PDE8B: variants seen among roughly 807,000 people sequenced by gnomAD.
PDE8B encodes the protein phosphodiesterase 8B.
PDE8B carries 26 observed loss-of-function variants against 101.3 expected under a neutral mutation model. The ratio of observed to expected loss-of-function variants is 0.26; its 90% confidence interval spans 0.19 to 0.36. The LOEUF (loss-of-function observed/expected upper bound fraction) is 0.36. PDE8B is among the 10% of genes least tolerant of loss of function. PDE8B has a pLI of 1.00. For missense variants in PDE8B, 810 were observed against 1,163.1 expected, an observed-to-expected ratio of 0.70 and a Z score of 4.42; for synonymous variants, 424 against 429.3, an observed-to-expected ratio of 0.99 and a Z score of 0.15.
At chr5:77,106,712 G>A in the PDE8B span, among the ~76,000 whole-genome samples, 1 of 151,936 alleles carries the variant, frequency 6.6e-6, no homozygotes, top group Non-Finnish European at 1.5e-5. Flanking sequence ...TAACAATACT[G>A]AATCTTCAGA....
the PDE8B span, among the ~76,000 whole-genome samples, chr5:77,163,635 C>T: frequency 1.3e-5 from 2 of 152,214 alleles, no homozygotes; most frequent in Admixed American, 6.5e-5. Context: ...TTCCCCAGTT[C>T]TTTGGGTCTG....
chr5:77,331,063 T>G (rs1048442103), intron 4 of PDE8B, among the ~76,000 whole-genome samples: 1 of 152,206 alleles, frequency 6.6e-6, no homozygotes, highest in African/African-American at 2.4e-5. Context: ...TGTCTCCGAA[T>G]GAACAGTGCA....
At chr5:77,216,402 T>C (rs1022672916) in intron 1 of PDE8B, among the ~76,000 whole-genome samples, 1 of 152,140 alleles carries the variant, frequency 6.6e-6, no homozygotes, top group Non-Finnish European at 1.5e-5. Flanking sequence ...ATGTCTTACA[T>C]GGTGGCAGAC....
chr5:77,211,334 G>T lies in PDE8B; in HGVS notation c.339+70G>T. The T allele has an allele frequency of 7.0e-7, 1 of 1,431,902 alleles. No individual in the cohort carries two copies. Among genetic ancestry groups the T allele is most frequent in the Non-Finnish European group, 9.3e-7 (1 of 1,072,174 alleles). 88.7% of individuals were successfully genotyped at this position (1,431,902 alleles called of 1,614,324 possible). ...GTCGGCGGGGCTCGCACGGGTAGGG[G>T]GCTCCGGCGGAGTTGGGTGACCGTG... On this transcript the variant is annotated intron_variant, in intron 1 of 21. Transcript: ENST00000264917. This position sits in a 1 kb window ranked among gnomAD's most constrained non-coding sequence, Gnocchi z 4.1.
Position 77,319,293 on chromosome 5 carries a change from C to G in PDE8B, c.400-6246C>G, listed in dbSNP as rs572205886. On this transcript the variant is annotated intron_variant, in intron 2 of 21. Coordinates refer to ENST00000264917, the MANE Select transcript of PDE8B (RefSeq NM_003719.5). ...AGTCCACAAATCACTATGTAAATAA[C>G]AAATGTGCAGCATCATCAGTAACTT... is the stretch of plus-strand genomic sequence containing the variant. Among the ~76,000 whole-genome samples, 5 of 152,340 alleles carry G rather than the reference C, an allele frequency of 3.3e-5. No individual in the cohort carries two copies. The South Asian group carries it at 1.0e-3, about 32-fold the overall frequency.
upstream of PDE8B, among the ~76,000 whole-genome samples, chr5:77,209,237 C>T (rs1254270720): frequency 1.3e-5 from 2 of 152,080 alleles, no homozygotes; most frequent in Admixed American, 1.3e-4. Flanking sequence ...TAAGGTTAGA[C>T]TCTCCCTGTA....
At chr5:77,347,784 A>C (rs1780401863) in intron 7 of PDE8B, among the ~76,000 whole-genome samples, 1 of 152,244 alleles carries the variant, frequency 6.6e-6, no homozygotes. Context: ...TTGGAGAGGG[A>C]AAGAGACAGG....
At chr5:77,412,610 G>A (rs921074922) in intron 16 of PDE8B, among the ~76,000 whole-genome samples, 1 of 151,610 alleles carries the variant, frequency 6.6e-6, no homozygotes, top group Non-Finnish European at 1.5e-5. Flanking sequence ...ATAACTGAAA[G>A]GTCTTTTTCT....
intron 2 of PDE8B, among the ~76,000 whole-genome samples, chr5:77,318,885 G>A (rs1173648468): frequency 6.6e-6 from 1 of 152,132 alleles, no homozygotes; most frequent in Admixed American, 6.5e-5. Flanking sequence ...TCCATTTGAA[G>A]ACACATAGAT....
chr5:77,335,686 C>G (rs754603025), intron 5 of PDE8B, among the ~76,000 whole-genome samples: 2 of 152,098 alleles, frequency 1.3e-5, no homozygotes, highest in Non-Finnish European at 2.9e-5. Flanking sequence ...ACTTATATAG[C>G]TACCGGAGAA....
chr5:77,408,605 G>C (rs1438826493), intron 13 of PDE8B, among the ~76,000 whole-genome samples: 1 of 152,090 alleles, frequency 6.6e-6, no homozygotes, highest in Non-Finnish European at 1.5e-5. Flanking sequence ...GAGTGAGAGA[G>C]GGGCCCAGAA....
the PDE8B span, among the ~76,000 whole-genome samples, chr5:77,128,004 T>C: frequency 6.6e-6 from 1 of 152,208 alleles, no homozygotes; most frequent in Admixed American, 6.5e-5. Context: ...TTTTAACCAT[T>C]GCTCTATTTC....
intron 1 of PDE8B, among the ~76,000 whole-genome samples, chr5:77,213,499 C>A (rs1285352281): frequency 6.6e-6 from 1 of 152,226 alleles, no homozygotes; most frequent in Non-Finnish European, 1.5e-5. Context: ...GTAAAGTTCA[C>A]ATGTTCTGTG....
At chr5:77,278,563 G>A (rs899029192) in intron 1 of PDE8B, among the ~76,000 whole-genome samples, 51 of 152,078 alleles carry the variant, frequency 3.4e-4, no homozygotes, top group African/African-American at 1.2e-3. Flanking sequence ...TCTGCCTCCC[G>A]GGTTCATGCC....
the PDE8B span, among the ~76,000 whole-genome samples, chr5:77,178,549 T>C: frequency 3.3e-5 from 5 of 152,304 alleles, no homozygotes; most frequent in African/African-American, 9.6e-5. Context: ...CCCTTCTACC[T>C]AACCCCCTTT....
chr5:77,153,208 G>A, the PDE8B span, among the ~76,000 whole-genome samples: 1 of 152,074 alleles, frequency 6.6e-6, no homozygotes, highest in African/African-American at 2.4e-5. Flanking sequence ...ACTTAAAGGA[G>A]GGCTTTTATT....
Position 77,211,820 on chromosome 5 carries a change from C to A in PDE8B, c.339+556C>A, listed in dbSNP as rs370875950. 2.0e-5 allele frequency among the ~76,000 whole-genome samples: 3 copies of A among 152,138 alleles called. No homozygotes were observed. The highest frequency in any genetic ancestry group is 6.5e-5 in the Admixed American group (1 of 15,278). ...GTTCGTGTTTTAAGAGATGTGGGAA[C>A]GGAGCAGAGTGGAACCTGTTGTTTG... On this transcript the variant is annotated intron_variant, in intron 1 of 21. Transcript: ENST00000264917. This position sits in a 1 kb window ranked among gnomAD's most constrained non-coding sequence, Gnocchi z 4.1.
At chr5:77,352,607 C>A (rs530382833) in intron 9 of PDE8B, among the ~76,000 whole-genome samples, 1 of 152,142 alleles carries the variant, frequency 6.6e-6, no homozygotes, top group African/African-American at 2.4e-5. Flanking sequence ...ATTTTATATC[C>A]TCTTTTCAGA....
rs1474226787 is a variant in PDE8B at position 77,407,363 on chromosome 5, T to G, written c.1289-18T>G. 1 of 1,611,078 alleles carries G rather than the reference T, an allele frequency of 6.2e-7. No individual in the cohort carries two copies. The highest frequency in any genetic ancestry group is 8.5e-7 in the Non-Finnish European group (1 of 1,177,354). On this transcript the variant is annotated intron_variant, in intron 12 of 21. Transcript: ENST00000264917. ...TGAGCCACCGGAACTGGACACAGCTTTCTTGCCTTCTCTCCAGCACCAAGC... is the reference window on the plus strand; with the variant it reads ...TGAGCCACCGGAACTGGACACAGCTGTCTTGCCTTCTCTCCAGCACCAAGC...
Sources: gnomAD v4.1 joint callset for allele counts (sites outside exome capture counted in the v4.1 genomes callset) on GRCh38, gnomAD v4.1.1 for gene constraint, Gnocchi (gnomAD v3.1) non-coding constraint, MANE v1.5 for transcripts, NCBI Gene and HGNC (gene_info 2026-07-23, HGNC 2026-07-21) for gene names.